ZNF793: variants seen among roughly 807,000 people sequenced by gnomAD.
ZNF793 encodes zinc finger protein 793.
In ZNF793, 5 loss-of-function variants were observed where a neutral mutation model predicts 12.4. That is an observed-to-expected ratio of 0.40 (90% CI 0.21 to 0.84). The LOEUF is 0.84. Among genes scored for constraint, ZNF793 ranks in the 40% least tolerant of loss-of-function variants. The pLI, the probability that ZNF793 is intolerant of heterozygous loss-of-function variation, is 0.35. For missense variants in ZNF793, 456 were observed against 495.0 expected, an observed-to-expected ratio of 0.92 and a Z score of 0.75; for synonymous variants, 162 against 172.4, an observed-to-expected ratio of 0.94 and a Z score of 0.47.
intron 2 of ZNF793, among the ~76,000 whole-genome samples, chr19:37,512,344 G>C (rs906133864): frequency 1.3e-5 from 2 of 151,960 alleles, no homozygotes; most frequent in African/African-American, 4.8e-5. Context: ...ATGAAACCCT[G>C]TCTCTACTAA....
intron 5 of ZNF793, among the ~76,000 whole-genome samples, chr19:37,525,952 C>T (rs1165577260): frequency 2.0e-5 from 3 of 152,148 alleles, no homozygotes; most frequent in Non-Finnish European, 4.4e-5. Context: ...CCCAAGGGCC[C>T]TGTGTCCTGA....
chr19:37,518,687 T>C (rs1441292055), intron 2 of ZNF793, among the ~76,000 whole-genome samples: 3 of 151,356 alleles, frequency 2.0e-5, no homozygotes, highest in African/African-American at 7.3e-5. Context: ...ATAGTCCTCC[T>C]ACTCGGGAGG....
chr19:37,523,100 C>T (rs2042387914), intron 4 of ZNF793, among the ~76,000 whole-genome samples: 1 of 152,188 alleles, frequency 6.6e-6, no homozygotes, highest in Non-Finnish European at 1.5e-5. Flanking sequence ...TGGCTCACTG[C>T]AGCTTTGACC....
intron 6 of ZNF793, among the ~76,000 whole-genome samples, chr19:37,532,711 C>T (rs1020271747): frequency 2.6e-5 from 4 of 151,942 alleles, no homozygotes; most frequent in Admixed American, 2.6e-4. Flanking sequence ...CCCAGCTACT[C>T]AGGAGGCTAA....
rs1023804595 is a variant in ZNF793 at position 37,543,171 on chromosome 19, A to G, written c.*5292A>G. On this transcript the variant is annotated 3_prime_UTR_variant, in exon 8 of 8. Transcript: ENST00000627814. ...TATGCATGTGGATGTTTATATGAAC[A>G]TAGAAAAGTGTAGAAGAATACACAC... is the stretch of plus-strand genomic sequence containing the variant. 8 of 152,252 alleles carry G rather than the reference A, an allele frequency of 5.3e-5. No individual in the cohort carries two copies. The East Asian group carries it at 9.6e-4, about 18-fold the overall frequency. 9.4% of individuals were successfully genotyped at this position (152,252 alleles called of 1,614,324 possible). A position where few individuals can be genotyped will look rare whatever the true frequency, so the allele number is the denominator to read the frequency against.
chr19:37,520,374 C>G (rs899023964), intron 3 of ZNF793, 62 bp downstream of exon 3: 3 of 152,260 alleles, frequency 2.0e-5, no homozygotes, highest in Admixed American at 2.0e-4. Context: ...AAGACACTGT[C>G]CAGGAGAAGG....
chr19:37,522,186 C>A (rs1487778366), intron 3 of ZNF793, among the ~76,000 whole-genome samples: 1 of 151,956 alleles, frequency 6.6e-6, no homozygotes, highest in African/African-American at 2.4e-5. Context: ...TTTATAGCAA[C>A]TTTTCTTTCT....
intron 5 of ZNF793, among the ~76,000 whole-genome samples, chr19:37,532,012 A>G (rs62111485): frequency 7.4e-6 from 1 of 134,230 alleles, no homozygotes; most frequent in East Asian, 2.1e-4. Flanking sequence ...TCTCTTGCAC[A>G]AAATTTTTTT....
intron 7 of ZNF793, 121 bp from the exon 8 acceptor site, chr19:37,536,776 C>T (rs374984458): frequency 1.1e-5 from 12 of 1,090,140 alleles, no homozygotes; most frequent in East Asian, 7.8e-5. Flanking sequence ...CTCTTCCCTG[C>T]GTTTGTGCTT....
intron 5 of ZNF793, chr19:37,531,387 G>C (rs1192528855): frequency 1.3e-5 from 2 of 153,062 alleles, no homozygotes; most frequent in Non-Finnish European, 2.9e-5. Flanking sequence ...GGCTGGTCTC[G>C]AATACCTGAG....
At chr19:37,526,784 G>T (rs2042418970) in intron 5 of ZNF793, among the ~76,000 whole-genome samples, 1 of 152,196 alleles carries the variant, frequency 6.6e-6, no homozygotes. Context: ...TGGGGCGTGG[G>T]CCTGGGCTGC....
chr19:37,525,437 C>CT (rs768958436), intron 5 of ZNF793, among the ~76,000 whole-genome samples: 5,873 of 119,616 alleles, frequency 0.049, 185 homozygotes, highest in African/African-American at 0.061. Context: ...CGTGCCTGGC[C>CT]TTTTTTTTTT....
chr19:37,529,538 G>A (rs2042441324), intron 5 of ZNF793, among the ~76,000 whole-genome samples: 1 of 152,032 alleles, frequency 6.6e-6, no homozygotes, highest in Admixed American at 6.6e-5. Context: ...TATCACCCAG[G>A]GTAGAGTACA....
rs1568327209 is a variant in ZNF793 at position 37,537,152 on chromosome 19, AGT to A, written c.497_498del (p.Cys166LeufsTer14). 1.2e-6 allele frequency: 2 copies of A among 1,613,568 alleles called. No individual in the cohort carries two copies. Among genetic ancestry groups the A allele is most frequent in the Non-Finnish European group, 1.7e-6 (2 of 1,179,634 alleles). ...AGAAACTGTGCAAAAAAGCAAGATG[AGT>A]GTTATGCTTATGGGAAATTGCTTCA... On this transcript the variant is annotated frameshift_variant, in exon 8 of 8. Coordinates refer to ENST00000627814, the MANE Select transcript of ZNF793 (RefSeq NM_001013659.3). LOFTEE classifies it low-confidence loss of function (END_TRUNC).
chr19:37,512,970 T>C lies in ZNF793; in HGVS notation c.-276+4567T>C, dbSNP rs541287549. ...TTTTAACTTTGACATGTATGAGGAGTTCAGGCCAGTTATTTTTATAATTTG... is the reference window on the plus strand; with the variant it reads ...TTTTAACTTTGACATGTATGAGGAGCTCAGGCCAGTTATTTTTATAATTTG... On this transcript the variant is annotated intron_variant, in intron 2 of 7. Transcript: ENST00000627814. 2.0e-5 allele frequency among the ~76,000 whole-genome samples: 3 copies of C among 152,134 alleles called. No homozygotes were observed. In the South Asian group the frequency reaches 6.2e-4, roughly 32 times the overall value.
intron 2 of ZNF793, among the ~76,000 whole-genome samples, chr19:37,508,867 A>C (rs2042271967): frequency 6.6e-6 from 1 of 152,220 alleles, no homozygotes; most frequent in Non-Finnish European, 1.5e-5. Flanking sequence ...GTATTCTGAG[A>C]AACTTTTTGC....
intron 2 of ZNF793, among the ~76,000 whole-genome samples, chr19:37,518,115 CATTATT>C (rs544791122): frequency 2.0e-5 from 3 of 151,094 alleles, no homozygotes; most frequent in Non-Finnish European, 3.0e-5. Flanking sequence ...TACACCACTC[CATTATT>C]ATTATTATTA....
At chr19:37,521,911 A>T (rs1437369686) in intron 3 of ZNF793, among the ~76,000 whole-genome samples, 1 of 152,112 alleles carries the variant, frequency 6.6e-6, no homozygotes, top group Non-Finnish European at 1.5e-5. Context: ...ATTATGTTAT[A>T]TCATAAATAT....
At chr19:37,529,620 G>A (rs977954129) in intron 5 of ZNF793, among the ~76,000 whole-genome samples, 2 of 152,066 alleles carry the variant, frequency 1.3e-5, no homozygotes, top group Non-Finnish European at 2.9e-5. Flanking sequence ...AGCCTCCTGC[G>A]TAGCTGGGAT....
Sources: allele counts gnomAD v4.1 joint callset (sites outside exome capture counted in the v4.1 genomes callset), GRCh38; gene constraint gnomAD v4.1.1; transcripts MANE v1.5; gene names NCBI Gene and HGNC (gene_info 2026-07-23, HGNC 2026-07-21).